PTPRT: variants seen among roughly 807,000 people sequenced by gnomAD.
The protein encoded by PTPRT is protein tyrosine phosphatase receptor type T.
Under a neutral mutation model 176.8 loss-of-function variants are expected in PTPRT, and 56 were observed. The observed-to-expected ratio is 0.32, with a 90% CI of 0.26 to 0.40. PTPRT has a LOEUF of 0.40. Among genes scored for constraint, PTPRT ranks in the 10% least tolerant of loss-of-function variants. The pLI, the probability that PTPRT is intolerant of heterozygous loss-of-function variation, is 1.00. For missense variants in PTPRT, 1,540 were observed against 1,908.2 expected (o/e 0.81, Z 3.60); for synonymous variants, 783 against 739.0 (o/e 1.06, Z -0.96).
intron 1 of PTPRT, among the ~76,000 whole-genome samples, chr20:43,068,499 T>C (rs1170937144): frequency 7.7e-6 from 1 of 129,344 alleles, no homozygotes; most frequent in Non-Finnish European, 1.6e-5. Flanking sequence ...AGAGAGACTC[T>C]GTCTCAAAAA....
chr20:42,652,035 G>T lies in PTPRT; in HGVS notation c.1153+25831C>A, dbSNP rs376305758. ...TGCACTCCAGCCTGGGCAACAGAGC[G>T]AGACTCCACCTCAAAAAAACAAAAA... is the stretch of plus-strand genomic sequence containing the variant. On this transcript the variant is annotated intron_variant, in intron 7 of 30. Coordinates refer to ENST00000373187, the MANE Select transcript of PTPRT (RefSeq NM_007050.6). Among the ~76,000 whole-genome samples the T allele has an allele frequency of 9.3e-5, 14 of 149,880 alleles. 1 individual carries two copies. The highest frequency in any genetic ancestry group is 3.2e-4 in the African/African-American group (13 of 40,680).
chr20:42,734,524 G>A (rs1403061343), intron 6 of PTPRT, among the ~76,000 whole-genome samples: 1 of 152,162 alleles, frequency 6.6e-6, no homozygotes, highest in African/African-American at 2.4e-5. Flanking sequence ...GGCAGAGCAT[G>A]GCAGGATCCC....
intron 7 of PTPRT, among the ~76,000 whole-genome samples, chr20:42,533,806 C>T (rs182383485): frequency 4.5e-4 from 68 of 152,326 alleles, no homozygotes; most frequent in African/African-American, 1.6e-3. Flanking sequence ...CAGGCACATG[C>T]CCTCCCTCAG....
intron 12 of PTPRT, among the ~76,000 whole-genome samples, chr20:42,315,154 C>T (rs1057037074): frequency 3.3e-5 from 2 of 61,118 alleles, no homozygotes; most frequent in Middle Eastern, 0.011. Flanking sequence ...GTCCGCAGTC[C>T]GGCCTGGGCG....
At chr20:42,448,577 C>T (rs2070772844) in intron 8 of PTPRT, among the ~76,000 whole-genome samples, 1 of 152,100 alleles carries the variant, frequency 6.6e-6, no homozygotes. Context: ...TGAAAACAGG[C>T]AATGGGCTGG....
intron 1 of PTPRT, among the ~76,000 whole-genome samples, chr20:43,041,544 A>G (rs1247522524): frequency 6.6e-6 from 1 of 152,196 alleles, no homozygotes; most frequent in Non-Finnish European, 1.5e-5. Context: ...TACCTATAAG[A>G]GCCTTGCCAG....
intron 7 of PTPRT, among the ~76,000 whole-genome samples, chr20:42,644,848 G>A (rs1450140772): frequency 6.6e-6 from 1 of 152,128 alleles, no homozygotes; most frequent in Non-Finnish European, 1.5e-5. Flanking sequence ...ATATTCATAT[G>A]TATTGCACAG....
chr20:42,858,650 T>C (rs2078607351), intron 2 of PTPRT, among the ~76,000 whole-genome samples: 1 of 152,232 alleles, frequency 6.6e-6, no homozygotes, highest in Non-Finnish European at 1.5e-5. Context: ...TATGGAATCT[T>C]CTAGCACCTT....
chr20:42,613,871 G>A (rs1410106351), intron 7 of PTPRT, among the ~76,000 whole-genome samples: 1 of 151,690 alleles, frequency 6.6e-6, no homozygotes, highest in Non-Finnish European at 1.5e-5. Flanking sequence ...CTTTCAAAAC[G>A]TTTGCTTTCA....
At chr20:42,593,397 G>T (rs2073614235) in intron 7 of PTPRT, among the ~76,000 whole-genome samples, 1 of 152,152 alleles carries the variant, frequency 6.6e-6, no homozygotes, top group African/African-American at 2.4e-5. Context: ...TGCCCTCTCA[G>T]TCACTCTCTA....
intron 6 of PTPRT, among the ~76,000 whole-genome samples, chr20:42,712,667 A>G (rs1291115662): frequency 1.3e-5 from 2 of 152,138 alleles, no homozygotes; most frequent in East Asian, 3.9e-4. Flanking sequence ...AATAATAAAA[A>G]CTGATGTCAA....
intron 16 of PTPRT, among the ~76,000 whole-genome samples, chr20:42,184,231 A>G (rs1990635540): frequency 6.6e-6 from 1 of 152,200 alleles, no homozygotes; most frequent in African/African-American, 2.4e-5. Flanking sequence ...TTAGAAGCCA[A>G]ATACAATGGT....
rs148836162 is a variant in PTPRT, at chr20:43,073,512, G to GTA, written c.88+116133_88+116134insTA. 7.3e-3 allele frequency among the ~76,000 whole-genome samples: 1,104 copies of GTA among 150,560 alleles called. 42 individuals carry two copies. The East Asian group carries it at 0.11, about 16-fold the overall frequency. On this transcript the variant is annotated intron_variant, in intron 1 of 30. Transcript: ENST00000373187. ...ACACACACGTGTGCTATACACACGT[G>GTA]TGTATATATATACATAGGTGTGTAT...
chr20:42,689,638 T>C (rs989294394), intron 6 of PTPRT, among the ~76,000 whole-genome samples: 1 of 152,130 alleles, frequency 6.6e-6, no homozygotes, highest in African/African-American at 2.4e-5. Flanking sequence ...ACTCCAAAAC[T>C]TGTATAGACT....
chr20:42,215,581 T>G (rs2055749079), intron 15 of PTPRT, among the ~76,000 whole-genome samples: 2 of 139,412 alleles, frequency 1.4e-5, no homozygotes, highest in Admixed American at 1.4e-4. Flanking sequence ...TAATCTTTCC[T>G]CCCTGTAGTT....
At chr20:42,676,396 G>T (rs900759614) in intron 7 of PTPRT, among the ~76,000 whole-genome samples, 1 of 152,054 alleles carries the variant, frequency 6.6e-6, no homozygotes. Context: ...CTTGCTGTTT[G>T]TTCCATGGTT....
intron 16 of PTPRT, among the ~76,000 whole-genome samples, chr20:42,184,515 C>CTT (rs1990648943): frequency 4.2e-5 from 3 of 71,484 alleles, no homozygotes; most frequent in African/African-American, 9.3e-5. Flanking sequence ...TCCTCCTCCT[C>CTT]CTCCTTCTTC....
intron 1 of PTPRT, among the ~76,000 whole-genome samples, chr20:43,079,103 C>G (rs1323851314): frequency 6.6e-6 from 1 of 152,082 alleles, no homozygotes; most frequent in East Asian, 1.9e-4. Context: ...ACCACCACCT[C>G]TATTTAGTTG....
At position 43,189,782 on chromosome 20, in the gene PTPRT, G is replaced by C; in HGVS notation, c.-49C>G. 1 of 1,044,344 alleles carries C rather than the reference G, an allele frequency of 9.6e-7. No individual in the cohort carries two copies. The highest frequency in any genetic ancestry group is 1.2e-6 in the Non-Finnish European group (1 of 858,104). The allele number at this position is 1,044,344 out of a possible 1,614,324, so 64.7% of individuals were successfully genotyped here. A position where few individuals can be genotyped will look rare whatever the true frequency, so the allele number is the denominator to read the frequency against. ...CCCCTTCCCGCGGGGGCCGGGGCCGGGACTGGGGCGGGCGCGGGGTGGCCC... is the reference window on the plus strand; with the variant it reads ...CCCCTTCCCGCGGGGGCCGGGGCCGCGACTGGGGCGGGCGCGGGGTGGCCC... On this transcript the variant is annotated 5_prime_UTR_variant, in exon 1 of 31. Transcript: ENST00000373187. This position sits in a 1 kb window ranked among gnomAD's most constrained non-coding sequence, Gnocchi z 5.0.
Sources: allele counts gnomAD v4.1 joint callset (sites outside exome capture counted in the v4.1 genomes callset), GRCh38; gene constraint gnomAD v4.1.1; non-coding constraint Gnocchi (gnomAD v3.1); transcripts MANE v1.5; gene names NCBI Gene and HGNC (gene_info 2026-07-23, HGNC 2026-07-21).